MIA2: variants seen among roughly 807,000 people sequenced by gnomAD.
MIA2 encodes melanoma inhibitory activity protein 2.
A neutral mutation model predicts 167.8 loss-of-function variants in MIA2; 127 were observed. That is an observed-to-expected ratio of 0.76 (90% CI 0.66 to 0.88). The LOEUF (loss-of-function observed/expected upper bound fraction) is 0.88, where lower values mean the gene tolerates loss of function less well. MIA2 is among the 40% of genes least tolerant of loss of function. The pLI, the probability that MIA2 is intolerant of heterozygous loss-of-function variation, is 0.00. For missense variants in MIA2, 1,690 were observed against 1,624.7 expected (o/e 1.04, Z -0.69); for synonymous variants, 552 against 541.9 (o/e 1.02, Z -0.26).
chr14:39,237,201 A>G (rs910229982), intron 2 of MIA2, 146 bp downstream of exon 2: 18 of 880,776 alleles, frequency 2.0e-5, no homozygotes, highest in Non-Finnish European at 3.1e-5. Context: ...GCTCACTACA[A>G]CTTCCAGCTT....
At chr14:39,249,866 AGGT>A (rs1197950826) in intron 4 of MIA2, among the ~76,000 whole-genome samples, 2 of 152,216 alleles carry the variant, frequency 1.3e-5, no homozygotes, top group Non-Finnish European at 2.9e-5. Context: ...CATTAGAACC[AGGT>A]GATTTTTTTG....
chr14:39,240,201 C>T (rs17092065), intron 2 of MIA2, among the ~76,000 whole-genome samples: 76,248 of 152,030 alleles, frequency 0.5, 20,502 homozygotes, highest in African/African-American at 0.69. Flanking sequence ...GCTTGGCTAC[C>T]GCCGCCATTG....
At chr14:39,312,149 A>C (rs769455121) in intron 18 of MIA2, among the ~76,000 whole-genome samples, 1 of 152,168 alleles carries the variant, frequency 6.6e-6, no homozygotes, top group Non-Finnish European at 1.5e-5. Context: ...TTTTTAAGTC[A>C]TATCATCAGG....
At chr14:39,366,206 C>T (rs145832540) in intron 23 of MIA2, among the ~76,000 whole-genome samples, 177 of 152,050 alleles carry the variant, frequency 1.2e-3, no homozygotes, top group African/African-American at 4.0e-3. Context: ...GTCCTCAGGG[C>T]CCAGTAGTGG....
At chr14:39,254,911 A>G (rs766732188) in intron 6 of MIA2, among the ~76,000 whole-genome samples, 3 of 152,194 alleles carry the variant, frequency 2.0e-5, no homozygotes, top group Non-Finnish European at 4.4e-5. Flanking sequence ...GGATTTAATG[A>G]CTGACTGAAT....
At chr14:39,317,916 AT>A in intron 21 of MIA2, 27 bp from the exon 22 acceptor site, 1 of 1,484,334 alleles carries the variant, frequency 6.7e-7, no homozygotes, top group Non-Finnish European at 9.1e-7. Flanking sequence ...ATATAAATAT[AT>A]TTTTAAAATG....
intron 21 of MIA2, among the ~76,000 whole-genome samples, chr14:39,317,128 G>A (rs187177928): frequency 5.3e-5 from 8 of 152,224 alleles, no homozygotes; most frequent in East Asian, 1.9e-4. Flanking sequence ...CTGTCCTCAC[G>A]TGTTCTAGAG....
intron 9 of MIA2, among the ~76,000 whole-genome samples, chr14:39,283,945 C>G (rs1466781288): frequency 2.0e-5 from 3 of 151,968 alleles, no homozygotes; most frequent in African/African-American, 7.2e-5. Context: ...TGTAGGTTGC[C>G]TTTTTATTGT....
chr14:39,373,863 GA>G (rs201096827), intron 23 of MIA2, among the ~76,000 whole-genome samples: 182 of 151,750 alleles, frequency 1.2e-3, no homozygotes, highest in African/African-American at 1.9e-3. Flanking sequence ...ACAGTCATAA[GA>G]AAAAAAACAA....
In MIA2 at chr14:39,297,137, C is replaced by T. The variant is rs559993660; in HGVS notation, c.2496+2108C>T. Among the ~76,000 whole-genome samples the T allele has an allele frequency of 3.3e-5, 5 of 149,604 alleles. No individual in the cohort carries two copies. The South Asian group carries it at 1.1e-3, about 32-fold the overall frequency. Reference sequence around the variant, plus strand: ...TGTGACAGAGTCTCACTTTGTCACCCAGTCTGGAGTTCATGGCGCTATCTC... The same window carrying T: ...TGTGACAGAGTCTCACTTTGTCACCTAGTCTGGAGTTCATGGCGCTATCTC... On this transcript the variant is annotated intron_variant, in intron 13 of 28. Transcript: ENST00000640607.
At chr14:39,382,415 A>T (rs536344349) in intron 23 of MIA2, among the ~76,000 whole-genome samples, 1 of 152,326 alleles carries the variant, frequency 6.6e-6, no homozygotes, top group South Asian at 2.1e-4. Flanking sequence ...GTCTCAACCA[A>T]TGCAGAAGTT....
intron 18 of MIA2, among the ~76,000 whole-genome samples, chr14:39,311,380 G>A (rs1161272222): frequency 8.5e-6 from 1 of 117,150 alleles, no homozygotes; most frequent in Non-Finnish European, 1.9e-5. Flanking sequence ...ATGTTGGCTT[G>A]ATGTTTTTCA....
intron 3 of MIA2, 23 bp from the exon 4 acceptor site, chr14:39,246,888 A>T (rs1206303109): frequency 7.7e-7 from 1 of 1,298,838 alleles, no homozygotes; most frequent in East Asian, 2.4e-5. Context: ...CATGTTAATC[A>T]TATATATATT....
At chr14:39,373,414 T>G (rs2074987756) in intron 23 of MIA2, among the ~76,000 whole-genome samples, 1 of 151,676 alleles carries the variant, frequency 6.6e-6, no homozygotes, top group African/African-American at 2.4e-5. Flanking sequence ...GAATGAGATT[T>G]TAAAGTATAT....
At chr14:39,258,437 G>A (rs1303136699) in intron 6 of MIA2, among the ~76,000 whole-genome samples, 1 of 152,088 alleles carries the variant, frequency 6.6e-6, no homozygotes, top group Non-Finnish European at 1.5e-5. Flanking sequence ...AGCTCCATCA[G>A]GTCATTTGTT....
chr14:39,290,133 C>T (rs920966818), intron 9 of MIA2, among the ~76,000 whole-genome samples: 16 of 152,176 alleles, frequency 1.1e-4, no homozygotes, highest in Admixed American at 6.5e-4. Flanking sequence ...TCTGACTTGG[C>T]AGGTCCTGAA....
At chr14:39,386,665 C>T (rs1456506379) in intron 23 of MIA2, 19 of 1,107,036 alleles carry the variant, frequency 1.7e-5, no homozygotes, top group Non-Finnish European at 2.7e-6. Context: ...GGTTCCAGAT[C>T]AAAGACCTTC....
intron 6 of MIA2, among the ~76,000 whole-genome samples, chr14:39,259,412 G>C (rs1260997395): frequency 6.6e-6 from 1 of 152,230 alleles, no homozygotes; most frequent in Non-Finnish European, 1.5e-5. Context: ...GAAAGAGAAG[G>C]AGAGTATCTC....
At position 39,317,957 on chromosome 14, in the gene MIA2, A is replaced by G; in HGVS notation, c.3230A>G (p.Asn1077Ser). ...KAHDNWLAAR[N>S]AERNLNDLRK... Reference sequence around the variant, plus strand: ...ATTTTCTTCAAGTTGGCAGCTCGGAATGCTGAAAGAAACCTCAATGATTTA... The same window carrying G: ...ATTTTCTTCAAGTTGGCAGCTCGGAGTGCTGAAAGAAACCTCAATGATTTA... The change falls in exon 22 of 29, where the codon AAT (asparagine) becomes AGT (serine). Residue 1077 changes from asparagine (N) to serine (S), a missense_variant. Physicochemically the swap from Asn to Ser is conservative, Grantham distance 46 (BLOSUM62 1). Transcript: ENST00000640607. 3.2e-6 allele frequency: 5 copies of G among 1,582,146 alleles called. No individual in the cohort carries two copies. The highest frequency in any genetic ancestry group is 3.4e-6 in the Non-Finnish European group (4 of 1,167,408).
Sources: allele counts gnomAD v4.1 joint callset (sites outside exome capture counted in the v4.1 genomes callset), GRCh38; gene constraint gnomAD v4.1.1; transcripts MANE v1.5; gene names NCBI Gene and HGNC (gene_info 2026-07-23, HGNC 2026-07-21).